Variants in SZT2 observed in about 807,000 individuals in gnomAD.
SZT2 encodes KICSTOR complex protein SZT2.
Under a neutral mutation model 404.2 loss-of-function variants are expected in SZT2, and 216 were observed. The ratio of observed to expected loss-of-function variants is 0.53; its 90% CI spans 0.48 to 0.60. The LOEUF (loss-of-function observed/expected upper bound fraction) is 0.60, where lower values mean the gene tolerates loss of function less well. Ranked by LOEUF, SZT2 falls within the 20% of genes least tolerant of loss-of-function variation. The probability of loss-of-function intolerance (pLI) is 0.00; values close to 1 mark genes in which losing one functional copy is unlikely to be tolerated. For missense variants in SZT2, 3,857 were observed against 4,459.2 expected (o/e 0.86, Z 3.85); for synonymous variants, 1,693 against 1,749.9 (o/e 0.97, Z 0.81).
At chr1:43,399,697 G>A (rs1020119440) in intron 1 of SZT2, among the ~76,000 whole-genome samples, 27 of 151,884 alleles carry the variant, frequency 1.8e-4, no homozygotes, top group Non-Finnish European at 3.2e-4. Flanking sequence ...TCCTGACCTC[G>A]TGAACCGCCT....
At chr1:43,392,163 ACCCAAAACT>A (rs1648464696) in intron 1 of SZT2, among the ~76,000 whole-genome samples, 1 of 151,552 alleles carries the variant, frequency 6.6e-6, no homozygotes, top group African/African-American at 2.4e-5. Flanking sequence ...TATATATTTA[ACCCAAAACT>A]CCCAAAATTT....
chr1:43,427,570 T>G lies in SZT2; in HGVS notation c.3639T>G (p.Arg1213=), dbSNP rs776558428. ...QNQGELSPPF[R]RDLQAYAGRQ... is the part of the protein sequence containing the mutation. ...AAGGAGAGCTAAGTCCACCATTCCG[T>G]CGAGACTTACAGGCTTACGCTGGGC... Residue 1213 remains arginine, a synonymous_variant, in exon 26 of 72, where the codon CGT becomes CGG. Coordinates refer to ENST00000634258, the MANE Select transcript of SZT2 (RefSeq NM_001365999.1). The G allele has an allele frequency of 4.3e-6, 7 of 1,614,074 alleles. No individual in the cohort carries two copies. The highest frequency in any genetic ancestry group is 5.1e-6 in the Non-Finnish European group (6 of 1,180,030).
At position 43,420,844 on chromosome 1, in the gene SZT2, G is replaced by T. The variant is rs758961491; in HGVS notation, c.1357G>T (p.Gly453Cys). The T allele has an allele frequency of 6.3e-7, 1 of 1,598,412 alleles. No individual in the cohort carries two copies. The highest frequency in any genetic ancestry group is 8.5e-7 in the Non-Finnish European group (1 of 1,179,802). Reference sequence around the variant, plus strand: ...GGCACCCTGGCCCCTGGAGCCTGAGGGCCCTCGAGTAACACGGGTGGAAGT... The same window carrying T: ...GGCACCCTGGCCCCTGGAGCCTGAGTGCCCTCGAGTAACACGGGTGGAAGT... ...AMAPWPLEPEGPRVTRVEVTM... is the reference protein window; with the variant it reads ...AMAPWPLEPECPRVTRVEVTM... Residue 453 changes from glycine (G) to cysteine (C), a missense_variant, in exon 10 of 72, where the codon GGC becomes TGC. This residue lies in a region of SZT2 where 536 missense variants were observed against 637.4 expected (regional missense o/e 0.84). Transcript: ENST00000634258. This position sits in a 1 kb window ranked among gnomAD's most constrained non-coding sequence, Gnocchi z 5.1.
At chr1:43,444,027 A>G (rs900629795) in intron 62 of SZT2, among the ~76,000 whole-genome samples, 2 of 152,196 alleles carry the variant, frequency 1.3e-5, no homozygotes, top group African/African-American at 4.8e-5. Flanking sequence ...CACTCATACA[A>G]AACTGTGTCC....
rs1487348555 is a variant in SZT2, at chr1:43,403,195, G to A, written c.46G>A (p.Val16Met). Residue 16 changes from valine (V) to methionine (M), a missense_variant, in exon 2 of 72, where the codon GTG becomes ATG. Around this residue, in one of 7 missense-constraint regions of SZT2, gnomAD observed 536 missense variants for 637.4 expected, o/e 0.84. Transcript: ENST00000634258. ...PEPEVEEAGQ[V>M]FLLMKKDYRI... ...TTCCCAGGTGGAAGAAGCTGGGCAG[G>A]TGTTCCTGTTAATGAAAAAGGATTA... 1 of 1,614,166 alleles carries A rather than the reference G, an allele frequency of 6.2e-7. No individual in the cohort carries two copies. Among genetic ancestry groups the A allele is most frequent in the Admixed American group, 1.7e-5 (1 of 60,018 alleles).
intron 1 of SZT2, among the ~76,000 whole-genome samples, chr1:43,395,587 C>A (rs1004571354): frequency 1.3e-5 from 2 of 152,208 alleles, no homozygotes; most frequent in African/African-American, 4.8e-5. Context: ...AGGCATGGGC[C>A]ACTGCACGTG....
At position 43,453,712 on chromosome 1, in the gene SZT2, C is replaced by CCG. The variant is rs994440401; in HGVS notation, c.*3235_*3236dup. ...TCGACGGCCTCGAAGCCCGAGCTGC[C>CCG]CGCGGCCCGCACCCGCGCGGGGAGG... On this transcript the variant is annotated 3_prime_UTR_variant, in exon 72 of 72. Transcript: ENST00000634258. 3 of 1,407,102 alleles carry CCG rather than the reference C, an allele frequency of 2.1e-6. No homozygotes were observed. The African/African-American group carries it at 4.5e-5, about 21-fold the overall frequency. 87.2% of individuals were successfully genotyped at this position (1,407,102 alleles called of 1,614,324 possible).
Position 43,425,948 on chromosome 1 carries a change from T to C in SZT2, c.2928T>C (p.Asp976=). The change falls in exon 20 of 72, where the codon GAT becomes GAC. Residue 976 remains aspartate (D), a splice_region_variant and synonymous_variant. Transcript: ENST00000634258. The surrounding 1 kb of genome is among the most constrained non-coding windows in gnomAD (Gnocchi z 4.3). ...GPLPPEPRVS[D]GLDQGGDTCV... is the part of the protein sequence containing the mutation. Reference sequence around the variant, plus strand: ...TGCCCCCAGAGCCGAGGGTCTCTGATGGTGAGTGGGGCAGGCGGCCCACTG... The same window carrying C: ...TGCCCCCAGAGCCGAGGGTCTCTGACGGTGAGTGGGGCAGGCGGCCCACTG... The C allele has an allele frequency of 6.2e-7, 1 of 1,613,856 alleles. No homozygotes were observed. Among genetic ancestry groups the C allele is most frequent in the East Asian group, 2.2e-5 (1 of 44,850 alleles).
intron 1 of SZT2, among the ~76,000 whole-genome samples, chr1:43,390,290 T>G (rs1310374015): frequency 1.3e-5 from 2 of 152,272 alleles, no homozygotes; most frequent in African/African-American, 4.8e-5. Flanking sequence ...ACTTGTATTT[T>G]GACTTTCTGT....
rs1557606928 is a variant in SZT2, at chr1:43,448,734, T to G, written c.10086+6T>G. The G allele has an allele frequency of 7.4e-6, 12 of 1,612,380 alleles. No homozygotes were observed. The highest frequency in any genetic ancestry group is 8.5e-6 in the Non-Finnish European group (10 of 1,178,486). ...ACTTGGGAACTCAGTACCTGGTAAG[T>G]CCCCTTGAGCTTCCTCTGAAAAGGG... On this transcript the variant is annotated splice_donor_region_variant and intron_variant, in intron 70 of 71. Transcript: ENST00000634258. This position sits in a 1 kb window ranked among gnomAD's most constrained non-coding sequence, Gnocchi z 4.2.
chr1:43,396,995 T>C (rs985434156), intron 1 of SZT2, among the ~76,000 whole-genome samples: 9 of 152,224 alleles, frequency 5.9e-5, no homozygotes, highest in Non-Finnish European at 1.3e-4. Flanking sequence ...TTAGAAATTA[T>C]TGGTAACAAA....
rs762506533 is a variant in SZT2, at chr1:43,425,569, A to G, written c.2741A>G (p.Tyr914Cys). Reference sequence around the variant, plus strand: ...ACTGAGGTGTGGGTGGAGCCACAGTATGGGCGAGTGGGACCTGGCCCTGGA... The same window carrying G: ...ACTGAGGTGTGGGTGGAGCCACAGTGTGGGCGAGTGGGACCTGGCCCTGGA... ...LVTEVWVEPQ[Y>C]GRVGPGPGIW... Residue 914 changes from tyrosine (Y) to cysteine (C), a missense_variant, in exon 19 of 72, where the codon TAT becomes TGT. Physicochemically the swap from Tyr to Cys is radical, Grantham distance 194. Coordinates refer to ENST00000634258, the MANE Select transcript of SZT2 (RefSeq NM_001365999.1). This position sits in a 1 kb window ranked among gnomAD's most constrained non-coding sequence, Gnocchi z 4.3. The G allele has an allele frequency of 9.3e-6, 15 of 1,614,184 alleles. No homozygotes were observed. The East Asian group carries it at 3.3e-4, about 36-fold the overall frequency.
In SZT2 at chr1:43,404,433, C is replaced by T. The variant is rs371591286; in HGVS notation, c.381C>T (p.Arg127=). Residue 127 remains arginine, a synonymous_variant, in exon 4 of 72, where the codon CGC becomes CGT. Coordinates refer to ENST00000634258, the MANE Select transcript of SZT2 (RefSeq NM_001365999.1). ...LFDEVFHALS[R]CLGGLLRPFR... is the part of the protein sequence containing the mutation. ...ATGAAGTTTTCCATGCCCTGTCCCG[C>T]TGCTTAGGCGGGCTGCTTCGGCCCT... is the stretch of plus-strand genomic sequence containing the variant. 6.2e-7 allele frequency: 1 copy of T among 1,613,952 alleles called. No homozygotes were observed. Among genetic ancestry groups the T allele is most frequent in the African/African-American group, 1.3e-5 (1 of 74,918 alleles).
chr1:43,449,078 C>T (rs141371727), intron 70 of SZT2: 1 of 247,694 alleles, frequency 4.0e-6, no homozygotes, highest in East Asian at 1.0e-4. Flanking sequence ...AAAGTGTGGT[C>T]CACAGACCAG....
In SZT2 at chr1:43,432,526, G is replaced by A. The variant is rs1654022834; in HGVS notation, c.5452G>A (p.Ala1818Thr). Residue 1818 changes from alanine to threonine, a missense_variant, in exon 38 of 72, where the codon GCC becomes ACC. Ala to Thr is a moderately conservative substitution (Grantham distance 58). This residue lies in a region of SZT2 where 1,725 missense variants were observed against 1,881.0 expected (regional missense o/e 0.92). Coordinates refer to ENST00000634258, the MANE Select transcript of SZT2 (RefSeq NM_001365999.1). ...AEGIEGETLT[A>T]SPQAPGSPED... ...ACTTCCTATTCCTCAGACCCTGACA[G>A]CCAGCCCCCAAGCACCTGGGTCCCC... 6.2e-7 allele frequency: 1 copy of A among 1,605,650 alleles called. No homozygotes were observed. The highest frequency in any genetic ancestry group is 1.7e-5 in the Admixed American group (1 of 59,034).
chr1:43,421,086 A>C, intron 10 of SZT2, 88 bp from the exon 11 acceptor site: 2 of 1,595,670 alleles, frequency 1.3e-6, no homozygotes, highest in Non-Finnish European at 1.7e-6. Flanking sequence ...AACCAGGCTT[A>C]TATCCAGGGT....
chr1:43,451,497 G>C lies in SZT2; in HGVS notation c.*1017G>C, dbSNP rs778283341. 1.2e-6 allele frequency: 2 copies of C among 1,614,164 alleles called. No individual in the cohort carries two copies. Among genetic ancestry groups the C allele is most frequent in the Non-Finnish European group, 8.5e-7 (1 of 1,180,048 alleles). On this transcript the variant is annotated 3_prime_UTR_variant, in exon 72 of 72. Coordinates refer to ENST00000634258, the MANE Select transcript of SZT2 (RefSeq NM_001365999.1). Reference sequence around the variant, plus strand: ...AGATAGGGGAAATTCAGCTCTCCGGGGCTGCTGGGCTCCCCTCGGCCTGGG... The same window carrying C: ...AGATAGGGGAAATTCAGCTCTCCGGCGCTGCTGGGCTCCCCTCGGCCTGGG...
chr1:43,391,799 AGGCCGGGCGCGGTGGCTC>A (rs1648362267), intron 1 of SZT2, among the ~76,000 whole-genome samples: 63,314 of 121,942 alleles, frequency 0.52, 20,830 homozygotes, highest in Middle Eastern at 0.56. Flanking sequence ...AAATGAAACA[AGGCCGGGCGCGGTGGCTC>A]ACGCCTGTAA....
intron 28 of SZT2, chr1:43,428,745 C>T (rs992876489): frequency 2.8e-5 from 14 of 496,754 alleles, no homozygotes; most frequent in South Asian, 2.4e-4. Context: ...AGGGAGTCCC[C>T]TGGTGCTAAC....
Sources: allele counts gnomAD v4.1 joint callset (sites outside exome capture counted in the v4.1 genomes callset), GRCh38; gene constraint gnomAD v4.1.1; regional missense constraint gnomAD v4.1.1; non-coding constraint Gnocchi (gnomAD v3.1); transcripts MANE v1.5; gene names NCBI Gene and HGNC (gene_info 2026-07-23, HGNC 2026-07-21).